PHF21A: variants seen among roughly 807,000 people sequenced by gnomAD.
PHF21A encodes the protein PHD finger protein 21A.
In PHF21A, 11 loss-of-function variants were observed where a neutral mutation model predicts 82.5. The observed-to-expected ratio is 0.13, with a 90% CI of 0.08 to 0.22. The LOEUF is 0.22. PHF21A is among the 10% of genes least tolerant of loss of function. The pLI, the probability that PHF21A is intolerant of heterozygous loss-of-function variation, is 1.00. For missense variants in PHF21A, 579 were observed against 837.8 expected (o/e 0.69, Z 3.81); for synonymous variants, 297 against 302.8 (o/e 0.98, Z 0.20).
At chr11:46,105,628 A>G (rs2097144919) in intron 1 of PHF21A, among the ~76,000 whole-genome samples, 1 of 152,200 alleles carries the variant, frequency 6.6e-6, no homozygotes, top group African/African-American at 2.4e-5. Flanking sequence ...AAAAAAACAC[A>G]AAAGGAATGA....
chr11:45,984,719 T>C (rs1325403046), intron 6 of PHF21A, among the ~76,000 whole-genome samples: 2 of 152,194 alleles, frequency 1.3e-5, no homozygotes, highest in African/African-American at 4.8e-5. Flanking sequence ...CCACAAATTT[T>C]AGAAAGCTTC....
intron 6 of PHF21A, chr11:46,049,421 C>T: frequency 4.4e-6 from 2 of 456,036 alleles, no homozygotes; most frequent in Non-Finnish European, 8.8e-6. Flanking sequence ...CAAGCATAGG[C>T]TAGCTTCAAC....
chr11:45,970,594 T>TTC (rs397722590), intron 8 of PHF21A: 2 of 152,510 alleles, frequency 1.3e-5, no homozygotes, highest in African/African-American at 2.4e-5. Context: ...TTTTTTTTTT[T>TTC]CCTGAACAAA....
At chr11:46,053,812 A>AT (rs920959954) in intron 6 of PHF21A, among the ~76,000 whole-genome samples, 18 of 152,216 alleles carry the variant, frequency 1.2e-4, no homozygotes, top group African/African-American at 4.1e-4. Flanking sequence ...TTCTTCAAGT[A>AT]TTTTTTTGTG....
chr11:46,061,400 G>A (rs920931717), intron 6 of PHF21A, among the ~76,000 whole-genome samples: 1 of 152,072 alleles, frequency 6.6e-6, no homozygotes, highest in Non-Finnish European at 1.5e-5. Context: ...TGCTTTGGAC[G>A]TTATTGCCAT....
intron 7 of PHF21A, among the ~76,000 whole-genome samples, chr11:45,971,863 G>C (rs959366252): frequency 1.5e-5 from 1 of 66,396 alleles, no homozygotes; most frequent in African/African-American, 4.4e-5. Flanking sequence ...ACAAAGGCTG[G>C]GGTAAAAGGA....
At chr11:45,963,507 T>C (rs1490784823) in intron 10 of PHF21A, among the ~76,000 whole-genome samples, 1 of 151,342 alleles carries the variant, frequency 6.6e-6, no homozygotes, top group East Asian at 1.9e-4. Context: ...GGGGGTAAAA[T>C]TATGATAAAA....
intron 6 of PHF21A, among the ~76,000 whole-genome samples, chr11:46,068,012 G>A (rs1232057458): frequency 1.3e-5 from 2 of 152,040 alleles, no homozygotes; most frequent in Admixed American, 1.3e-4. Context: ...CAGGTAAAAA[G>A]GTAAGAAAAT....
intron 6 of PHF21A, among the ~76,000 whole-genome samples, chr11:45,987,251 A>AATGTATGTATGT (rs57573859): frequency 0.066 from 9,801 of 148,458 alleles, 353 homozygotes; most frequent in South Asian, 0.089. Flanking sequence ...ATCATAAATA[A>AATGTATGTATGT]ATGTATGTAT....
chr11:46,010,509 T>C (rs553339967), intron 6 of PHF21A, among the ~76,000 whole-genome samples: 4 of 152,368 alleles, frequency 2.6e-5, no homozygotes, highest in African/African-American at 9.6e-5. Flanking sequence ...AATTTCTTTC[T>C]GCTTTACGAC....
Position 46,016,678 on chromosome 11 carries a change from T to C in PHF21A, c.154-36712A>G, listed in dbSNP as rs75688046. Among the ~76,000 whole-genome samples the C allele has an allele frequency of 3.9e-5, 6 of 152,250 alleles. No homozygotes were observed. The East Asian group carries it at 1.2e-3, about 29-fold the overall frequency. On this transcript the variant is annotated intron_variant, in intron 6 of 18. Transcript: ENST00000676320. ...TACACTGCAATTTGTAGCTTATGTT[T>C]TTCTCCTCTACTATACTGCCAGCAC...
chr11:45,948,373 C>T (rs1226584771), intron 14 of PHF21A, among the ~76,000 whole-genome samples: 1 of 152,212 alleles, frequency 6.6e-6, no homozygotes, highest in African/African-American at 2.4e-5. Flanking sequence ...GTGACCTTTT[C>T]TTCCTTAGTT....
At chr11:46,057,226 T>C (rs1189762685) in intron 6 of PHF21A, among the ~76,000 whole-genome samples, 3 of 152,182 alleles carry the variant, frequency 2.0e-5, no homozygotes, top group African/African-American at 7.2e-5. Context: ...TGGAACTACA[T>C]AAGCAGTTGC....
chr11:46,086,861 T>C (rs565246493), intron 3 of PHF21A, among the ~76,000 whole-genome samples: 66 of 152,304 alleles, frequency 4.3e-4, no homozygotes, highest in Non-Finnish European at 8.5e-4. Flanking sequence ...AAAGGGCTAA[T>C]ACAGTTTATA....
chr11:46,009,065 C>G (rs943639632), intron 6 of PHF21A, among the ~76,000 whole-genome samples: 7 of 151,704 alleles, frequency 4.6e-5, no homozygotes, highest in Admixed American at 1.3e-4. Context: ...ACCTCCACCC[C>G]CTGGGTTCAA....
intron 17 of PHF21A, 103 bp downstream of exon 17, chr11:45,936,391 A>G: frequency 1.4e-6 from 1 of 738,444 alleles, no homozygotes; most frequent in East Asian, 2.6e-5. Context: ...AAAGGTTTTC[A>G]TTTTTAAATT....
chr11:46,066,993 ATTCAG>A (rs1349080244), intron 6 of PHF21A, among the ~76,000 whole-genome samples: 2 of 152,170 alleles, frequency 1.3e-5, no homozygotes, highest in Admixed American at 1.3e-4. Flanking sequence ...TCATCTTTCC[ATTCAG>A]TTAAGCACCT....
chr11:45,961,827 G>A (rs1012526948), intron 10 of PHF21A, among the ~76,000 whole-genome samples: 2 of 152,178 alleles, frequency 1.3e-5, no homozygotes, highest in African/African-American at 2.4e-5. Context: ...AGGCTATATC[G>A]TAAGTCTTCT....
chr11:46,054,220 T>C (rs556868116), intron 6 of PHF21A, among the ~76,000 whole-genome samples: 1 of 152,238 alleles, frequency 6.6e-6, no homozygotes, highest in African/African-American at 2.4e-5. Context: ...AATTTTTTTC[T>C]AAAAGGAAAA....
Sources: allele counts gnomAD v4.1 joint callset (sites outside exome capture counted in the v4.1 genomes callset), GRCh38; gene constraint gnomAD v4.1.1; transcripts MANE v1.5; gene names NCBI Gene and HGNC (gene_info 2026-07-23, HGNC 2026-07-21).